CAMK2G: variants seen among roughly 807,000 people sequenced by gnomAD.
CAMK2G encodes the protein calcium/calmodulin dependent protein kinase II gamma.
A neutral mutation model predicts 88.7 loss-of-function variants in CAMK2G; 23 were observed. The ratio of observed to expected loss-of-function variants is 0.26; its 90% CI spans 0.19 to 0.37. The LOEUF is 0.37. Among genes scored for constraint, CAMK2G ranks in the 10% least tolerant of loss-of-function variants. CAMK2G has a pLI of 1.00. For missense variants in CAMK2G, 476 were observed against 780.8 expected (o/e 0.61, Z 4.65); for synonymous variants, 263 against 294.8 (o/e 0.89, Z 1.11).
In CAMK2G at chr10:73,874,519, C is replaced by A. The variant is rs940054224; in HGVS notation, c.-58G>T. On this transcript the variant is annotated 5_prime_UTR_variant, in exon 1 of 23. Transcript: ENST00000423381. ...CGCGCCGACGTCGGTGCACAGTCAC[C>A]GCCGCCCGGCCGAGGGAGCAAGAGG... 1.6e-6 allele frequency: 2 copies of A among 1,254,796 alleles called. No individual in the cohort carries two copies. Among genetic ancestry groups the A allele is most frequent in the African/African-American group, 1.5e-5 (1 of 64,598 alleles). 77.7% of individuals were successfully genotyped at this position (1,254,796 alleles called of 1,614,324 possible). A position where few individuals can be genotyped will look rare whatever the true frequency, so the allele number is the denominator to read the frequency against.
Position 73,848,467 on chromosome 10 carries a change from C to T in CAMK2G, c.601+59G>A, listed in dbSNP as rs947953245. On this transcript the variant is annotated intron_variant, in intron 8 of 22. Transcript: ENST00000423381. The surrounding 1 kb of genome is among the most constrained non-coding windows in gnomAD (Gnocchi z 4.5). ...AGGAATAGCGATGCCTCTTTCTTGC[C>T]ATCATCGGAAGTTGAGGGCCCTTAA... 5 of 1,079,942 alleles carry T rather than the reference C, an allele frequency of 4.6e-6. No individual in the cohort carries two copies. The highest frequency in any genetic ancestry group is 5.7e-6 in the Non-Finnish European group (4 of 699,962). 66.9% of individuals were successfully genotyped at this position (1,079,942 alleles called of 1,614,324 possible).
Position 73,850,422 on chromosome 10 carries a change from G to A in CAMK2G, c.342-1089C>T, listed in dbSNP as rs185019900. Among the ~76,000 whole-genome samples the A allele has an allele frequency of 9.7e-4, 147 of 151,096 alleles. 1 individual carries two copies. The highest frequency in any genetic ancestry group is 3.0e-3 in the African/African-American group (122 of 41,210). On this transcript the variant is annotated intron_variant, in intron 5 of 22. Coordinates refer to ENST00000423381, the MANE Select transcript of CAMK2G (RefSeq NM_001367534.1). ...TCAACTGGGAATGAATTTGCCGCCC[G>A]CCCCCCCCCACCGCAGGGGACATTT...
At chr10:73,844,460 T>C (rs2094073292) in intron 10 of CAMK2G, among the ~76,000 whole-genome samples, 1 of 152,036 alleles carries the variant, frequency 6.6e-6, no homozygotes, top group African/African-American at 2.4e-5. Flanking sequence ...CAGGCTGGAA[T>C]GCAGTGTCAT....
intron 2 of CAMK2G, among the ~76,000 whole-genome samples, chr10:73,869,387 C>A (rs955976647): frequency 6.6e-6 from 1 of 152,224 alleles, no homozygotes; most frequent in African/African-American, 2.4e-5. Context: ...CTACATCTCC[C>A]ACTCTGCCTT....
chr10:73,820,617 C>T (rs1230963507), intron 18 of CAMK2G, among the ~76,000 whole-genome samples: 5 of 145,652 alleles, frequency 3.4e-5, no homozygotes. Context: ...ATGCCTCAGT[C>T]TCCCGAGTAG....
intron 18 of CAMK2G, 112 bp downstream of exon 18, chr10:73,821,570 G>T: frequency 1.3e-6 from 1 of 795,888 alleles, no homozygotes; most frequent in Non-Finnish European, 2.2e-6. Context: ...TCTCCTAGGG[G>T]CATAGGAGCC....
In CAMK2G at chr10:73,821,745, G is replaced by C. The variant is rs946797621; in HGVS notation, c.1201-15C>G. The C allele has an allele frequency of 2.5e-6, 4 of 1,606,946 alleles. No homozygotes were observed. The highest frequency in any genetic ancestry group is 3.4e-6 in the Non-Finnish European group (4 of 1,175,402). On this transcript the variant is annotated splice_polypyrimidine_tract_variant and intron_variant, in intron 17 of 22. Transcript: ENST00000423381. ...TCTGTGGAGCCCTGTAGGCCAAAAAGAACATGTTTCTATATGCTCCATCCC... is the reference window on the plus strand; with the variant it reads ...TCTGTGGAGCCCTGTAGGCCAAAAACAACATGTTTCTATATGCTCCATCCC...
Position 73,848,900 on chromosome 10 carries a change from T to G in CAMK2G, c.517+113A>C. On this transcript the variant is annotated intron_variant, in intron 7 of 22. Coordinates refer to ENST00000423381, the MANE Select transcript of CAMK2G (RefSeq NM_001367534.1). This position sits in a 1 kb window ranked among gnomAD's most constrained non-coding sequence, Gnocchi z 4.5. ...CTGAGTCGCGTACGGCCAAGAGAGA[T>G]CTCGGAGGCCAGGACCATTAAGGGT... 1 of 780,620 alleles carries G rather than the reference T, an allele frequency of 1.3e-6. No homozygotes were observed. 48.4% of individuals were successfully genotyped at this position (780,620 alleles called of 1,614,324 possible).
chr10:73,848,296 C>A lies in CAMK2G; in HGVS notation c.602-214G>T, dbSNP rs944635207. 3.3e-5 allele frequency among the ~76,000 whole-genome samples: 5 copies of A among 152,196 alleles called. No homozygotes were observed. The highest frequency in any genetic ancestry group is 4.1e-4 in the South Asian group (2 of 4,836). On this transcript the variant is annotated intron_variant, in intron 8 of 22. Coordinates refer to ENST00000423381, the MANE Select transcript of CAMK2G (RefSeq NM_001367534.1). This position sits in a 1 kb window ranked among gnomAD's most constrained non-coding sequence, Gnocchi z 4.5. ...CACCAGGGATTTCTTTAGGCACAAC[C>A]CATCCTCTAAGGCGTGGGCAAATCC...
intron 10 of CAMK2G, among the ~76,000 whole-genome samples, chr10:73,843,431 C>T (rs2093971046): frequency 6.6e-6 from 1 of 152,126 alleles, no homozygotes; most frequent in South Asian, 2.1e-4. Context: ...TAAACAGAGT[C>T]CATGGGACAC....
chr10:73,852,174 G>T, intron 5 of CAMK2G, 80 bp downstream of exon 5: 2 of 1,011,436 alleles, frequency 2.0e-6, no homozygotes, highest in Non-Finnish European at 3.2e-6. Flanking sequence ...CAGGTACAAT[G>T]CTGGACCCCG....
intron 19 of CAMK2G, chr10:73,817,835 C>T (rs931610986): frequency 1.8e-5 from 9 of 506,616 alleles, no homozygotes; most frequent in South Asian, 8.0e-5. Context: ...GCAGAAAACA[C>T]GCTTGCCTTT....
At chr10:73,846,157 C>T (rs139000020) in intron 10 of CAMK2G, among the ~76,000 whole-genome samples, 5 of 152,216 alleles carry the variant, frequency 3.3e-5, no homozygotes, top group Admixed American at 2.6e-4. Flanking sequence ...AAATGATTCC[C>T]TATGTTTTCA....
intron 17 of CAMK2G, 84 bp from the exon 18 acceptor site, chr10:73,821,814 C>T: frequency 1.8e-6 from 2 of 1,121,338 alleles, no homozygotes; most frequent in Non-Finnish European, 2.7e-6. Flanking sequence ...AGAGTTTCTG[C>T]TCCTACAAGA....
chr10:73,862,297 ACCCCC>A (rs111889953), intron 2 of CAMK2G, among the ~76,000 whole-genome samples: 3 of 75,890 alleles, frequency 4.0e-5, no homozygotes, highest in African/African-American at 5.0e-5. Context: ...CTCCTACTCC[ACCCCC>A]CCCCCCCCCG....
intron 3 of CAMK2G, among the ~76,000 whole-genome samples, chr10:73,853,538 C>T (rs979311900): frequency 5.3e-5 from 8 of 152,318 alleles, no homozygotes; most frequent in African/African-American, 1.4e-4. Context: ...GGCTGGTCTC[C>T]GAGAAGGTGG....
At chr10:73,832,795 T>A (rs767561392) in intron 14 of CAMK2G, among the ~76,000 whole-genome samples, 4 of 152,168 alleles carry the variant, frequency 2.6e-5, no homozygotes, top group Non-Finnish European at 5.9e-5. Flanking sequence ...TTTAAAAACA[T>A]TTTTAAGAGT....
chr10:73,859,380 T>C (rs2095261539), intron 3 of CAMK2G, among the ~76,000 whole-genome samples: 1 of 152,236 alleles, frequency 6.6e-6, no homozygotes, highest in African/African-American at 2.4e-5. Context: ...ATTTTTTCTT[T>C]TTTCAAAATG....
intron 2 of CAMK2G, among the ~76,000 whole-genome samples, chr10:73,872,000 T>C (rs1337592247): frequency 6.6e-6 from 1 of 152,138 alleles, no homozygotes; most frequent in Non-Finnish European, 1.5e-5. Context: ...TGGCTCCTAA[T>C]ATATTTATGG....
Sources: gnomAD v4.1 joint callset for allele counts (sites outside exome capture counted in the v4.1 genomes callset) on GRCh38, gnomAD v4.1.1 for gene constraint, Gnocchi (gnomAD v3.1) non-coding constraint, MANE v1.5 for transcripts, NCBI Gene and HGNC (gene_info 2026-07-23, HGNC 2026-07-21) for gene names.